PUDP: variants seen among roughly 807,000 people sequenced by gnomAD.
The protein encoded by PUDP is pseudouridine 5'-phosphatase.
A neutral mutation model predicts 9.4 loss-of-function variants in PUDP; 8 were observed. The observed-to-expected ratio is 0.85, with a 90% CI of 0.50 to 1.53. The LOEUF is 1.53. Ranked by LOEUF, PUDP falls within the 40% of genes most tolerant of loss-of-function variation. The probability of loss-of-function intolerance (pLI) is 0.00; values close to 1 mark genes in which losing one functional copy is unlikely to be tolerated. For synonymous variants in PUDP, 99 were observed against 80.7 expected, an observed-to-expected ratio of 1.23 and a Z score of -1.22; for missense variants, 188 against 189.7, an observed-to-expected ratio of 0.99 and a Z score of 0.05.
intron 1 of PUDP, among the ~76,000 whole-genome samples, chrX:7,112,041 T>C (rs887805464): frequency 3.7e-5 from 4 of 108,531 alleles, no homozygotes; most frequent in Non-Finnish European, 7.6e-5. Flanking sequence ...AATTCACCAA[T>C]ACATCACACC....
chrX:6,895,784 C>T (rs908476611), intron 3 of PUDP, among the ~76,000 whole-genome samples: 2 of 111,541 alleles, frequency 1.8e-5, no homozygotes, highest in African/African-American at 6.5e-5. Flanking sequence ...AGAAAACGGA[C>T]GTTTATTGCT....
intron 1 of PUDP, among the ~76,000 whole-genome samples, chrX:7,041,337 T>C (rs1409623807): frequency 9.0e-6 from 1 of 111,600 alleles, no homozygotes; most frequent in Non-Finnish European, 1.9e-5. Context: ...GAGGGAACGG[T>C]GACCCAGGAG....
At chrX:6,907,680 G>C (rs754481843) in intron 3 of PUDP, among the ~76,000 whole-genome samples, 2 of 111,366 alleles carry the variant, frequency 1.8e-5, no homozygotes, top group East Asian at 5.7e-4. Flanking sequence ...GGTCTACTCT[G>C]GGGTTTTTCA....
At position 6,994,660 on chromosome X, in the gene PUDP, T is replaced by C. The variant is rs911190464; in HGVS notation, c.205-16317A>G. Among the ~76,000 whole-genome samples the C allele has an allele frequency of 8.9e-5, 10 of 111,784 alleles. No homozygotes were observed. The South Asian group carries it at 1.1e-3, about 13-fold the overall frequency. ...AAAGAATGAGGGAAAGCAGGAATGA[T>C]CATGGAAACTTTCAGACATAGTGAG... On this transcript the variant is annotated intron_variant and NMD_transcript_variant, in intron 1 of 3. Coordinates refer to the PUDP transcript ENST00000655425.
intron 3 of PUDP, among the ~76,000 whole-genome samples, chrX:6,732,123 T>C (rs949422883): frequency 8.0e-5 from 9 of 111,942 alleles, no homozygotes; most frequent in African/African-American, 1.3e-4. Flanking sequence ...CAGTTTATGA[T>C]AGTAATTTTT....
At chrX:6,988,745 A>C (rs1183397101) in intron 1 of PUDP, among the ~76,000 whole-genome samples, 1 of 110,945 alleles carries the variant, frequency 9.0e-6, no homozygotes, top group Non-Finnish European at 1.9e-5. Flanking sequence ...CAGACCCCCA[A>C]TAAAACTGTT....
At chrX:6,787,559 C>A (rs1001728767) in intron 3 of PUDP, among the ~76,000 whole-genome samples, 2 of 112,263 alleles carry the variant, frequency 1.8e-5, no homozygotes, top group Non-Finnish European at 3.8e-5. Context: ...GGCATTACTG[C>A]TGAATCCAAT....
intron 3 of PUDP, among the ~76,000 whole-genome samples, chrX:6,744,918 A>G (rs1321210605): frequency 8.9e-6 from 1 of 112,386 alleles, no homozygotes; most frequent in Non-Finnish European, 1.9e-5. Flanking sequence ...AATCATCATA[A>G]TAAATAGTAA....
chrX:6,877,851 A>G lies in PUDP; in HGVS notation c.*247+99282T>C, dbSNP rs1186971777. ...CTACAGAACCTGTCCCCACTCCCTC[A>G]AGTAATGCTGATAAAAGCTGGCTGA... On this transcript the variant is annotated intron_variant and NMD_transcript_variant, in intron 3 of 3. Transcript: ENST00000655425. Among the ~76,000 whole-genome samples, 36 of 111,695 alleles carry G rather than the reference A, an allele frequency of 3.2e-4. No individual in the cohort carries two copies. The Admixed American group carries it at 3.4e-3, about 11-fold the overall frequency.
chrX:7,061,875 T>A (rs1057511505), intron 3 of PUDP, among the ~76,000 whole-genome samples: 6 of 111,862 alleles, frequency 5.4e-5, no homozygotes, highest in Non-Finnish European at 1.1e-4. Context: ...ATTATTATGA[T>A]AATGGTGATC....
intron 3 of PUDP, among the ~76,000 whole-genome samples, chrX:6,873,013 G>T (rs886169530): frequency 9.1e-6 from 1 of 109,399 alleles, no homozygotes; most frequent in Non-Finnish European, 1.9e-5. Context: ...AACATCAGGT[G>T]GGAACAAACA....
At chrX:6,767,659 G>A (rs1051419222) in intron 3 of PUDP, among the ~76,000 whole-genome samples, 5 of 112,024 alleles carry the variant, frequency 4.5e-5, no homozygotes, top group African/African-American at 1.6e-4. Flanking sequence ...TTAGAACTCA[G>A]TGAAGAAAGA....
chrX:7,024,143 C>T (rs981950731), intron 1 of PUDP, among the ~76,000 whole-genome samples: 1 of 111,818 alleles, frequency 8.9e-6, no homozygotes, highest in African/African-American at 3.2e-5. Flanking sequence ...ATAAAGATGG[C>T]TTTACCACCT....
At chrX:7,019,670 G>A (rs1929602153) in intron 1 of PUDP, among the ~76,000 whole-genome samples, 1 of 111,911 alleles carries the variant, frequency 8.9e-6, no homozygotes, top group Non-Finnish European at 1.9e-5. Flanking sequence ...AGCCTGTGTT[G>A]TCACAATGCA....
intron 3 of PUDP, among the ~76,000 whole-genome samples, chrX:6,857,763 T>C (rs1926929199): frequency 9.0e-6 from 1 of 111,622 alleles, no homozygotes; most frequent in South Asian, 3.8e-4. Context: ...AAATGAGATG[T>C]AAATATGTCT....
chrX:6,780,950 A>G (rs1021412555), intron 3 of PUDP, among the ~76,000 whole-genome samples: 4 of 110,943 alleles, frequency 3.6e-5, no homozygotes, highest in Non-Finnish European at 3.8e-5. Flanking sequence ...CCAGCTACTC[A>G]GGAGGCTGAG....
chrX:6,904,308 TGTCA>T lies in PUDP; in HGVS notation c.*247+72821_*247+72824del, dbSNP rs1927736840. ...CAGCTGTTCTCAACAGGAAGCGAGT[TGTCA>T]GTGTCAGGAGACATTTGGGTTTGTC... On this transcript the variant is annotated intron_variant and NMD_transcript_variant, in intron 3 of 3. Coordinates refer to the PUDP transcript ENST00000655425. Among the ~76,000 whole-genome samples, 5 of 110,098 alleles carry T rather than the reference TGTCA, an allele frequency of 4.5e-5. 1 individual carries two copies. In the Admixed American group the frequency reaches 4.9e-4, roughly 11 times the overall value.
intron 3 of PUDP, among the ~76,000 whole-genome samples, chrX:6,741,834 CTTTCTTTCTTTCTTTCTT>C (rs1437744545): frequency 2.0e-5 from 2 of 102,482 alleles, no homozygotes; most frequent in Non-Finnish European, 4.0e-5. Flanking sequence ...CTCTCTCTTT[CTTTCTTTCTTTCTTTCTT>C]TTTCTTTCTT....
chrX:6,876,005 T>C (rs926796569), intron 3 of PUDP, among the ~76,000 whole-genome samples: 29 of 112,482 alleles, frequency 2.6e-4, no homozygotes, highest in Non-Finnish European at 4.9e-4. Context: ...AATTGTATTA[T>C]GTTTAAGCAG....
Sources: allele counts gnomAD v4.1 joint callset (sites outside exome capture counted in the v4.1 genomes callset), GRCh38; gene constraint gnomAD v4.1.1; transcripts MANE v1.5; gene names NCBI Gene and HGNC (gene_info 2026-07-23, HGNC 2026-07-21).